Variants in DCAF1 observed in about 807,000 individuals in gnomAD.
DCAF1 encodes DDB1 and CUL4 associated factor 1.
Under a neutral mutation model 128.0 loss-of-function variants are expected in DCAF1, and 15 were observed. The observed-to-expected ratio is 0.12, with a 90% CI of 0.08 to 0.18. DCAF1 has a LOEUF of 0.18. DCAF1 is among the 10% of genes least tolerant of loss of function. DCAF1 has a pLI of 1.00. For synonymous variants in DCAF1, 610 were observed against 603.0 expected, an observed-to-expected ratio of 1.01 and a Z score of -0.17; for missense variants, 988 against 1,649.5, an observed-to-expected ratio of 0.60 and a Z score of 6.95.
intron 2 of DCAF1, among the ~76,000 whole-genome samples, chr3:51,484,478 G>GA (rs1577305299): frequency 6.7e-6 from 1 of 148,300 alleles, no homozygotes; most frequent in Non-Finnish European, 1.5e-5. Context: ...GTCTCAAAAA[G>GA]AAAAAAAAAT....
intron 3 of DCAF1, among the ~76,000 whole-genome samples, chr3:51,482,131 G>T (rs782765674): frequency 5.9e-5 from 9 of 151,890 alleles, no homozygotes; most frequent in Non-Finnish European, 1.0e-4. Context: ...TTTTGGACAT[G>T]GTCTGTTTCA....
At chr3:51,461,116 G>A (rs1376507033) in intron 6 of DCAF1, among the ~76,000 whole-genome samples, 4 of 151,464 alleles carry the variant, frequency 2.6e-5, no homozygotes, top group Non-Finnish European at 4.4e-5. Context: ...CCATCAGAGT[G>A]AACAGGCAAC....
chr3:51,441,121 T>A, intron 8 of DCAF1, 50 bp from the exon 9 acceptor site: 1 of 1,483,624 alleles, frequency 6.7e-7, no homozygotes, highest in Non-Finnish European at 9.3e-7. Flanking sequence ...TATTGTCATG[T>A]ATTTCCTATT....
chr3:51,406,146 A>G (rs2106942313), intron 23 of DCAF1, among the ~76,000 whole-genome samples: 1 of 152,178 alleles, frequency 6.6e-6, no homozygotes, highest in Admixed American at 6.5e-5. Context: ...GATCAAGACC[A>G]TCCCGGCTAA....
intron 6 of DCAF1, among the ~76,000 whole-genome samples, chr3:51,455,462 C>T (rs12493618): frequency 0.074 from 11,196 of 151,942 alleles, 974 homozygotes; most frequent in East Asian, 0.33. Flanking sequence ...AAAAATTAGC[C>T]GGGCATGGTG....
rs1328087664 is a variant in DCAF1, at chr3:51,423,504, C to CA, written c.1848-1074dup. ...GCCACAGAGAGAGACTCTGTCTCCA[C>CA]AAAAAAAAAAAAAGAAAAGAAAAAA... On this transcript the variant is annotated intron_variant, in intron 13 of 24. Transcript: ENST00000684031. Among the ~76,000 whole-genome samples, 426 of 111,202 alleles carry CA rather than the reference C, an allele frequency of 3.8e-3. 2 individuals are homozygous for CA. The highest frequency in any genetic ancestry group is 0.031 in the East Asian group (124 of 3,980). 73.0% of individuals were successfully genotyped at this position (111,202 alleles called of 152,430 possible).
chr3:51,399,357 C>T (rs1011439475), intron 24 of DCAF1, among the ~76,000 whole-genome samples: 7 of 152,198 alleles, frequency 4.6e-5, no homozygotes, highest in African/African-American at 1.4e-4. Context: ...AGATAGTCAC[C>T]CTAGATTCAT....
intron 5 of DCAF1, among the ~76,000 whole-genome samples, chr3:51,464,468 G>A (rs1028743785): frequency 5.9e-5 from 9 of 151,972 alleles, no homozygotes; most frequent in Admixed American, 2.6e-4. Flanking sequence ...GCCAAAATCT[G>A]AGGATGGCTT....
chr3:51,428,708 T>C (rs1459670520), intron 12 of DCAF1, among the ~76,000 whole-genome samples: 1 of 151,730 alleles, frequency 6.6e-6, no homozygotes, highest in African/African-American at 2.4e-5. Context: ...ACAAAAAAGC[T>C]CTTTGCCAGG....
Position 51,397,988 on chromosome 3 carries a change from TAGAG to T in DCAF1, c.*777_*780del, listed in dbSNP as rs2089329008. The T allele has an allele frequency of 1.2e-5, 2 of 165,252 alleles. No individual in the cohort carries two copies. The highest frequency in any genetic ancestry group is 2.4e-5 in the African/African-American group (1 of 41,384). The allele number at this position is 165,252 out of a possible 1,614,324, so 10.2% of individuals were successfully genotyped here. The stretch of plus-strand genomic sequence containing the variant: ...TGAAAAACTGAATCACAAAGAAAAA[TAGAG>T]GGAGTGAACTTATATCCTAAGTTCC... On this transcript the variant is annotated 3_prime_UTR_variant, in exon 25 of 25. Transcript: ENST00000684031.
rs1559479436 is a variant in DCAF1, at chr3:51,412,395, T to G, written c.4196A>C (p.Asp1399Ala). The G allele has an allele frequency of 2.5e-6, 4 of 1,613,922 alleles. No individual in the cohort carries two copies. Among genetic ancestry groups the G allele is most frequent in the Non-Finnish European group, 2.5e-6 (3 of 1,179,848 alleles). Residue 1399 changes from aspartate (D) to alanine (A), a missense_variant, in exon 23 of 25, where the codon GAT becomes GCT. Physicochemically the swap from Asp to Ala is moderately radical, Grantham distance 126. Around this residue, in one of 11 missense-constraint regions of DCAF1, gnomAD observed 97 missense variants for 134.5 expected, o/e 0.72. Coordinates refer to ENST00000684031, the MANE Select transcript of DCAF1 (RefSeq NM_001387579.1). Reference sequence around the variant, plus strand: ...ACCACTGACCTGGTCCTCCTCTTCATCCTCATCCTCTGCCAGACGCTGCCT... The same window carrying G: ...ACCACTGACCTGGTCCTCCTCTTCAGCCTCATCCTCTGCCAGACGCTGCCT... ...VGRQRLAEDE[D>A]EEEDQEEEEQ...
At position 51,420,394 on chromosome 3, in the gene DCAF1, A is replaced by G. The variant is rs1158437519; in HGVS notation, c.2576T>C (p.Ile859Thr). 1 of 1,613,928 alleles carries G rather than the reference A, an allele frequency of 6.2e-7. No individual in the cohort carries two copies. Among genetic ancestry groups the G allele is most frequent in the African/African-American group, 1.3e-5 (1 of 74,940 alleles). Residue 859 changes from isoleucine to threonine, a missense_variant, in exon 15 of 25, where the codon ATT (isoleucine) becomes ACT (threonine). Coordinates refer to ENST00000684031, the MANE Select transcript of DCAF1 (RefSeq NM_001387579.1). This position sits in a 1 kb window ranked among gnomAD's most constrained non-coding sequence, Gnocchi z 6.5. ...ELLLLIRNHL[I>T]SKGLGETATV... ...TGCTGTTTCTCCAAGCCCTTTAGAA[A>G]TAAGATGGTTTCGTATCAACAAAAG...
At chr3:51,488,805 A>G (rs1320777172) in intron 2 of DCAF1, among the ~76,000 whole-genome samples, 1 of 147,500 alleles carries the variant, frequency 6.8e-6, no homozygotes, top group African/African-American at 2.5e-5. Context: ...TCCGTCTACA[A>G]AAAAAAAAAA....
At chr3:51,450,501 C>T (rs1255706359) in intron 6 of DCAF1, among the ~76,000 whole-genome samples, 1 of 152,102 alleles carries the variant, frequency 6.6e-6, no homozygotes, top group East Asian at 1.9e-4. Flanking sequence ...AAAATGTTGA[C>T]AAGTCAATAC....
chr3:51,407,022 C>T (rs2090164508), intron 23 of DCAF1, among the ~76,000 whole-genome samples: 1 of 152,138 alleles, frequency 6.6e-6, no homozygotes, highest in Non-Finnish European at 1.5e-5. Context: ...GGTGAAACCT[C>T]GTCTCTACTA....
At chr3:51,450,623 C>T (rs1255726023) in intron 6 of DCAF1, among the ~76,000 whole-genome samples, 1 of 152,156 alleles carries the variant, frequency 6.6e-6, no homozygotes, top group Admixed American at 6.6e-5. Context: ...GACTGAAAGG[C>T]TTTCCCTTAA....
At chr3:51,492,979 G>A (rs1433358434) in intron 2 of DCAF1, among the ~76,000 whole-genome samples, 1 of 151,794 alleles carries the variant, frequency 6.6e-6, no homozygotes, top group Non-Finnish European at 1.5e-5. Context: ...GGGTGACAGA[G>A]CAAGACTCCC....
At chr3:51,435,402 TAG>T (rs1227377249) in intron 9 of DCAF1, among the ~76,000 whole-genome samples, 3 of 152,230 alleles carry the variant, frequency 2.0e-5, no homozygotes, top group Non-Finnish European at 4.4e-5. Context: ...ATCCCACATG[TAG>T]AGACACGTTA....
chr3:51,410,994 C>A (rs1553628284), intron 23 of DCAF1, among the ~76,000 whole-genome samples: 1 of 151,954 alleles, frequency 6.6e-6, no homozygotes, highest in African/African-American at 2.4e-5. Flanking sequence ...CCCATCTCTA[C>A]TAAAAAAAAT....
Sources: gnomAD v4.1 joint callset for allele counts (sites outside exome capture counted in the v4.1 genomes callset) on GRCh38, gnomAD v4.1.1 for gene constraint, gnomAD v4.1.1 regional missense constraint, Gnocchi (gnomAD v3.1) non-coding constraint, MANE v1.5 for transcripts, NCBI Gene and HGNC (gene_info 2026-07-23, HGNC 2026-07-21) for gene names.